The following MBTD1 variants were observed in gnomAD, a reference collection of about 807,000 sequenced individuals.
MBTD1 encodes the protein MBT domain-containing protein 1.
Under a neutral mutation model 87.8 loss-of-function variants are expected in MBTD1, and 24 were observed. That is an observed-to-expected ratio of 0.27 (90% CI 0.20 to 0.38). The LOEUF (loss-of-function observed/expected upper bound fraction) is 0.38, where lower values mean the gene tolerates loss of function less well. MBTD1 is among the 10% of genes least tolerant of loss of function. MBTD1 has a pLI of 1.00. For missense variants in MBTD1, 436 were observed against 760.2 expected (o/e 0.57, Z 5.02); for synonymous variants, 237 against 248.6 (o/e 0.95, Z 0.44).
At chr17:51,189,162 A>G (rs1324877162) in intron 16 of MBTD1, among the ~76,000 whole-genome samples, 1 of 98,234 alleles carries the variant, frequency 1.0e-5, no homozygotes, top group Non-Finnish European at 2.0e-5. Flanking sequence ...ATTTATATAT[A>G]TATTTGCTTT....
intron 2 of MBTD1, among the ~76,000 whole-genome samples, chr17:51,257,393 A>C (rs1246156531): frequency 6.6e-6 from 1 of 152,256 alleles, no homozygotes; most frequent in Non-Finnish European, 1.5e-5. Flanking sequence ...CTTGGCTTTT[A>C]GTAATTCAGT....
At chr17:51,191,468 A>C (rs2050809128) in intron 16 of MBTD1, 1 of 151,948 alleles carries the variant, frequency 6.6e-6, no homozygotes, top group Admixed American at 6.6e-5. Context: ...AATTTGGTAA[A>C]GCTTGTTTGC....
chr17:51,217,466 A>G, intron 5 of MBTD1, 50 bp from the exon 6 acceptor site: 2 of 870,740 alleles, frequency 2.3e-6, no homozygotes, highest in Non-Finnish European at 3.5e-6. Context: ...TCTTTTATTT[A>G]TAAGAAGGTT....
chr17:51,247,417 G>C (rs1334412074), intron 2 of MBTD1, among the ~76,000 whole-genome samples: 3 of 149,016 alleles, frequency 2.0e-5, no homozygotes, highest in Non-Finnish European at 4.4e-5. Flanking sequence ...GAGCTATCTT[G>C]ATCAGGCTAA....
chr17:51,220,290 G>GA (rs1262039314), intron 4 of MBTD1, 40 bp downstream of exon 4: 3 of 1,511,806 alleles, frequency 2.0e-6, no homozygotes, highest in Middle Eastern at 1.7e-4. Flanking sequence ...AAAAGCCATA[G>GA]AAATAATGGA....
At chr17:51,206,206 A>C (rs916789378) in intron 7 of MBTD1, among the ~76,000 whole-genome samples, 1 of 152,222 alleles carries the variant, frequency 6.6e-6, no homozygotes, top group Non-Finnish European at 1.5e-5. Context: ...AACAGAACGG[A>C]AGAACCCAAG....
intron 16 of MBTD1, among the ~76,000 whole-genome samples, chr17:51,188,988 C>G (rs2050677485): frequency 6.6e-6 from 1 of 152,010 alleles, no homozygotes; most frequent in Non-Finnish European, 1.5e-5. Flanking sequence ...GAACTCCTGA[C>G]CTCAGGTGAT....
At chr17:51,217,293 G>T in intron 6 of MBTD1, 41 bp downstream of exon 6, 1 of 1,162,478 alleles carries the variant, frequency 8.6e-7, no homozygotes, top group South Asian at 1.4e-5. Context: ...TTTAAACAAT[G>T]ACTAAGTACT....
chr17:51,226,376 T>C (rs2143734008), intron 2 of MBTD1, among the ~76,000 whole-genome samples: 1 of 150,746 alleles, frequency 6.6e-6, no homozygotes, highest in African/African-American at 2.4e-5. Flanking sequence ...ATTAGCTGAG[T>C]GTGGTGGCAC....
chr17:51,234,065 AG>A (rs1191966917), intron 2 of MBTD1, among the ~76,000 whole-genome samples: 1 of 152,186 alleles, frequency 6.6e-6, no homozygotes, highest in Non-Finnish European at 1.5e-5. Context: ...AACAAAAAAA[AG>A]AAGACAAAAT....
intron 2 of MBTD1, among the ~76,000 whole-genome samples, chr17:51,246,287 G>A (rs1272098529): frequency 6.6e-6 from 1 of 152,164 alleles, no homozygotes; most frequent in Non-Finnish European, 1.5e-5. Context: ...CATCAAGTAA[G>A]GTTTGTGTAC....
intron 3 of MBTD1, among the ~76,000 whole-genome samples, chr17:51,221,298 AAAAACAAAAAAC>A (rs1401192310): frequency 6.6e-6 from 1 of 152,204 alleles, no homozygotes; most frequent in Non-Finnish European, 1.5e-5. Context: ...ATCCTGAATC[AAAAACAAAAAAC>A]AAAACAAAAC....
At chr17:51,260,851 G>C, upstream of MBTD1, 1 of 1,601,086 alleles carries the variant, frequency 6.2e-7, no homozygotes, top group Non-Finnish European at 8.5e-7. Context: ...CCGTGGAGCG[G>C]TGCTTGGAGG....
At chr17:51,192,590 T>A (rs2050865460) in intron 15 of MBTD1, 192 bp downstream of exon 15, 1 of 952,804 alleles carries the variant, frequency 1.0e-6, no homozygotes, top group African/African-American at 1.7e-5. Flanking sequence ...AATTGACTAT[T>A]GGATTCACAT....
chr17:51,206,853 GCA>G (rs1297052544), intron 7 of MBTD1, 33 bp downstream of exon 7: 6 of 1,359,698 alleles, frequency 4.4e-6, no homozygotes. Flanking sequence ...AAGGATCTCT[GCA>G]TTTTCTACTA....
intron 5 of MBTD1, among the ~76,000 whole-genome samples, chr17:51,218,635 C>T (rs925682126): frequency 6.6e-6 from 1 of 152,028 alleles, no homozygotes; most frequent in Non-Finnish European, 1.5e-5. Context: ...GCTGAACATC[C>T]CATTTCTTTG....
At chr17:51,260,463 G>C (rs994235546), upstream of MBTD1, 16 of 1,080,446 alleles carry the variant, frequency 1.5e-5, no homozygotes, top group African/African-American at 2.1e-4. Flanking sequence ...TGGTCACGTG[G>C]CAAGAGGCTG....
At position 51,195,332 on chromosome 17, in the gene MBTD1, C is replaced by A. The variant is rs761995864; in HGVS notation, c.1254G>T (p.Gly418=). ...CGTCTGCTGCTTCTGAGCCATCGAT[C>A]CCAATCATCAGGAATCCGTCAGCTA... ...KVLADGFLMI[G]IDGSEAADGS... Residue 418 remains glycine, a synonymous_variant, in exon 13 of 17, where the codon GGG becomes GGT. Coordinates refer to ENST00000586178, the MANE Select transcript of MBTD1 (RefSeq NM_017643.3). 1.2e-6 allele frequency: 2 copies of A among 1,609,670 alleles called. No homozygotes were observed. The highest frequency in any genetic ancestry group is 1.1e-5 in the South Asian group (1 of 90,186).
chr17:51,180,646 T>G lies in MBTD1; in HGVS notation c.1817A>C (p.Asn606Thr), dbSNP rs2050264168. ...KEELLDGEDY[N>T]FLQGASDQES... ...CTGATCAGACGCTCCTTGAAGGAAA[T>G]TATAATCCTCTCCATCCAGCAACTC... Residue 606 changes from asparagine (N) to threonine (T), a missense_variant, in exon 17 of 17, where the codon AAT (asparagine) becomes ACT (threonine). Physicochemically the swap from Asn to Thr is moderately conservative, Grantham distance 65. This residue lies in a region of MBTD1 where 32 missense variants were observed against 34.7 expected (regional missense o/e 0.92). Coordinates refer to ENST00000586178, the MANE Select transcript of MBTD1 (RefSeq NM_017643.3). 4 of 1,551,294 alleles carry G rather than the reference T, an allele frequency of 2.6e-6. No homozygotes were observed. Among genetic ancestry groups the G allele is most frequent in the Non-Finnish European group, 3.5e-6 (4 of 1,146,596 alleles).
Sources: allele counts gnomAD v4.1 joint callset (sites outside exome capture counted in the v4.1 genomes callset), GRCh38; gene constraint gnomAD v4.1.1; regional missense constraint gnomAD v4.1.1; transcripts MANE v1.5; gene names NCBI Gene and HGNC (gene_info 2026-07-23, HGNC 2026-07-21).